Variants in SEMA5A observed in about 807,000 individuals in gnomAD.
SEMA5A encodes semaphorin 5A.
SEMA5A carries 55 observed loss-of-function variants against 135.5 expected under a neutral mutation model. The observed-to-expected ratio is 0.41, with a 90% CI of 0.33 to 0.51. The LOEUF (loss-of-function observed/expected upper bound fraction) is 0.51, where lower values mean the gene tolerates loss of function less well. SEMA5A is among the 20% of genes least tolerant of loss of function. The pLI, the probability that SEMA5A is intolerant of heterozygous loss-of-function variation, is 0.37. For missense variants in SEMA5A, 1,290 were observed against 1,419.9 expected (o/e 0.91, Z 1.47); for synonymous variants, 580 against 546.5 (o/e 1.06, Z -0.85).
chr5:9,326,126 A>G (rs1439113793), intron 4 of SEMA5A, among the ~76,000 whole-genome samples: 1 of 152,146 alleles, frequency 6.6e-6, no homozygotes, highest in Admixed American at 6.5e-5. Context: ...TGCACACAAT[A>G]CTTTCCTCAC....
chr5:9,201,301 G>A (rs1415979491), intron 9 of SEMA5A, among the ~76,000 whole-genome samples: 1 of 152,202 alleles, frequency 6.6e-6, no homozygotes, highest in African/African-American at 2.4e-5. Context: ...AAGAGTGAAA[G>A]AGATCAGAAA....
intron 11 of SEMA5A, among the ~76,000 whole-genome samples, chr5:9,183,575 C>T (rs1051978198): frequency 1.3e-5 from 2 of 152,136 alleles, no homozygotes; most frequent in African/African-American, 2.4e-5. Context: ...AGCAAATGGC[C>T]AAGGGTTCAG....
intron 18 of SEMA5A, among the ~76,000 whole-genome samples, chr5:9,056,913 G>A (rs532140983): frequency 2.6e-5 from 4 of 152,310 alleles, no homozygotes; most frequent in Admixed American, 2.6e-4. Context: ...AGCAAATGCG[G>A]TAGGTACATA....
chr5:9,310,001 G>A (rs749888545), intron 5 of SEMA5A, among the ~76,000 whole-genome samples: 6 of 127,864 alleles, frequency 4.7e-5, no homozygotes, highest in South Asian at 5.2e-4. Flanking sequence ...ATTACACAGC[G>A]AGTCCAAATA....
chr5:9,389,633 C>A (rs1445168441), intron 2 of SEMA5A, among the ~76,000 whole-genome samples: 1 of 152,064 alleles, frequency 6.6e-6, no homozygotes, highest in Non-Finnish European at 1.5e-5. Context: ...CATTTAGAAC[C>A]CATGCCCTCC....
At chr5:9,083,503 A>C (rs1327375613) in intron 16 of SEMA5A, among the ~76,000 whole-genome samples, 4 of 152,184 alleles carry the variant, frequency 2.6e-5, no homozygotes, top group Admixed American at 2.6e-4. Flanking sequence ...CTAAAAGTCA[A>C]TGTAGTGTTG....
chr5:9,050,300 G>GT (rs1239296512), intron 21 of SEMA5A, 110 bp downstream of exon 21: 1 of 997,282 alleles, frequency 1.0e-6, no homozygotes, highest in East Asian at 2.7e-5. Flanking sequence ...ACTTTCTCCG[G>GT]TTTTTCATTC....
intron 12 of SEMA5A, among the ~76,000 whole-genome samples, chr5:9,140,535 A>G (rs1742009457): frequency 6.6e-6 from 1 of 152,210 alleles, no homozygotes; most frequent in African/African-American, 2.4e-5. Flanking sequence ...GTGAGCGCTA[A>G]GAGTCCTTCT....
At chr5:9,353,386 A>AGGAAG (rs1265076452) in intron 3 of SEMA5A, among the ~76,000 whole-genome samples, 69 of 142,376 alleles carry the variant, frequency 4.8e-4, no homozygotes, top group African/African-American at 1.8e-3. Flanking sequence ...AGGAAAGGAA[A>AGGAAG]GGAAAGGAAG....
chr5:9,509,610 C>T (rs1237655920), intron 1 of SEMA5A, among the ~76,000 whole-genome samples: 3 of 152,132 alleles, frequency 2.0e-5, no homozygotes, highest in African/African-American at 7.2e-5. Context: ...GATATAGGTT[C>T]TACAGCCTCA....
intron 5 of SEMA5A, among the ~76,000 whole-genome samples, chr5:9,307,444 G>T (rs941784629): frequency 6.6e-6 from 1 of 151,628 alleles, no homozygotes; most frequent in Non-Finnish European, 1.5e-5. Context: ...AACAAATTAA[G>T]GGTTCCAATC....
At chr5:9,095,389 A>G (rs1739260656) in intron 16 of SEMA5A, among the ~76,000 whole-genome samples, 1 of 152,224 alleles carries the variant, frequency 6.6e-6, no homozygotes, top group Non-Finnish European at 1.5e-5. Flanking sequence ...CAGAACTTAA[A>G]GTATCATAAA....
intron 5 of SEMA5A, among the ~76,000 whole-genome samples, chr5:9,288,334 G>C (rs897736396): frequency 2.0e-5 from 3 of 152,164 alleles, no homozygotes; most frequent in African/African-American, 4.8e-5. Flanking sequence ...TGGCTGCTGC[G>C]GTGTGAGGCC....
At chr5:9,438,964 G>A (rs1317518970) in intron 1 of SEMA5A, among the ~76,000 whole-genome samples, 2 of 152,228 alleles carry the variant, frequency 1.3e-5, no homozygotes, top group East Asian at 3.8e-4. Context: ...AACAGGTCAA[G>A]GTGGCACTGC....
chr5:9,278,786 G>A (rs771135169), intron 5 of SEMA5A, among the ~76,000 whole-genome samples: 12 of 152,330 alleles, frequency 7.9e-5, no homozygotes, highest in African/African-American at 2.4e-4. Flanking sequence ...TAGCATCTAC[G>A]TGGTGCTGGG....
At chr5:9,308,978 A>T (rs1751999463) in intron 5 of SEMA5A, among the ~76,000 whole-genome samples, 1 of 152,186 alleles carries the variant, frequency 6.6e-6, no homozygotes, top group South Asian at 2.1e-4. Context: ...TACATCAAAT[A>T]AGCATAATGC....
chr5:9,179,731 A>G (rs1374146964), intron 11 of SEMA5A, among the ~76,000 whole-genome samples: 1 of 152,182 alleles, frequency 6.6e-6, no homozygotes. Context: ...CCTAAAACAA[A>G]CTCATACTAA....
intron 9 of SEMA5A, among the ~76,000 whole-genome samples, chr5:9,200,670 T>G (rs1745655909): frequency 1.3e-5 from 2 of 152,174 alleles, no homozygotes; most frequent in South Asian, 4.1e-4. Context: ...TCTAACCTCA[T>G]GTCAGAAAGA....
chr5:9,309,707 G>A (rs913143722), intron 5 of SEMA5A, among the ~76,000 whole-genome samples: 6 of 152,092 alleles, frequency 3.9e-5, no homozygotes, highest in Non-Finnish European at 7.4e-5. Flanking sequence ...TTCTAGGAGG[G>A]CGCAGTTGTT....
Sources: gnomAD v4.1 joint callset for allele counts (sites outside exome capture counted in the v4.1 genomes callset) on GRCh38, gnomAD v4.1.1 for gene constraint, MANE v1.5 for transcripts, NCBI Gene and HGNC (gene_info 2026-07-23, HGNC 2026-07-21) for gene names.